Variants in PRELID2 observed in about 807,000 individuals in gnomAD.
PRELID2 encodes PRELI domain-containing protein 2.
A neutral mutation model predicts 28.4 loss-of-function variants in PRELID2; 25 were observed. That is an observed-to-expected ratio of 0.88 (90% CI 0.64 to 1.23). PRELID2 has a LOEUF of 1.23. Among genes scored for constraint, PRELID2 ranks in the 50% most tolerant of loss-of-function variants. The probability of loss-of-function intolerance (pLI) is 0.00; values close to 1 mark genes in which losing one functional copy is unlikely to be tolerated. For missense variants in PRELID2, 201 were observed against 214.4 expected (o/e 0.94, Z 0.39); for synonymous variants, 76 against 71.6 (o/e 1.06, Z -0.31).
intron 1 of PRELID2, among the ~76,000 whole-genome samples, chr5:145,526,588 T>C (rs1353584683): frequency 2.0e-5 from 3 of 152,130 alleles, no homozygotes; most frequent in Non-Finnish European, 4.4e-5. Flanking sequence ...GAAAATTAGA[T>C]GTCTAGATTT....
chr5:145,345,270 AG>A, the PRELID2 span, among the ~76,000 whole-genome samples: 1 of 152,038 alleles, frequency 6.6e-6, no homozygotes, highest in Non-Finnish European at 1.5e-5. Flanking sequence ...GGAATAGGAC[AG>A]CCCCTCTCTT....
intron 1 of PRELID2, among the ~76,000 whole-genome samples, chr5:145,590,413 CTTAT>C (rs1052305999): frequency 2.0e-4 from 30 of 152,114 alleles, no homozygotes; most frequent in Admixed American, 9.2e-4. Flanking sequence ...TATGTGTTTG[CTTAT>C]TTATTTATTT....
At chr5:145,238,820 T>C in the PRELID2 span, among the ~76,000 whole-genome samples, 1 of 152,096 alleles carries the variant, frequency 6.6e-6, no homozygotes, top group Non-Finnish European at 1.5e-5. Context: ...AATGAAAGCC[T>C]ACACAAAACT....
At chr5:145,771,501 A>G (rs1758103257) in intron 5 of PRELID2, among the ~76,000 whole-genome samples, 1 of 151,980 alleles carries the variant, frequency 6.6e-6, no homozygotes, top group African/African-American at 2.4e-5. Context: ...CCCAAAGTCC[A>G]GTCGTAAGTG....
At chr5:145,788,638 A>C (rs988539098) in intron 5 of PRELID2, among the ~76,000 whole-genome samples, 1 of 152,144 alleles carries the variant, frequency 6.6e-6, no homozygotes. Context: ...CTTCTATTCA[A>C]TATAATACTG....
rs115886894 is a variant in PRELID2, at chr5:145,484,130, C to T, written n.71-10815G>A. 4.9e-3 allele frequency among the ~76,000 whole-genome samples: 751 copies of T among 152,256 alleles called. 5 individuals carry two copies. The highest frequency in any genetic ancestry group is 0.016 in the African/African-American group (656 of 41,546). On this transcript the variant is annotated intron_variant and non_coding_transcript_variant, in intron 1 of 2. Coordinates refer to the PRELID2 transcript ENST00000510259. ...AGGCAAGGAATCAGTAGAGCATTCT[C>T]GGAATTCAGAGGCAGGAGAAATTAC...
At chr5:145,284,498 A>G in the PRELID2 span, among the ~76,000 whole-genome samples, 1 of 152,126 alleles carries the variant, frequency 6.6e-6, no homozygotes, top group Non-Finnish European at 1.5e-5. Flanking sequence ...TTACAAACTC[A>G]AGACTTTTTT....
intron 1 of PRELID2, among the ~76,000 whole-genome samples, chr5:145,571,561 G>T (rs187262386): frequency 8.5e-5 from 13 of 152,276 alleles, no homozygotes; most frequent in South Asian, 2.1e-4. Context: ...GTCCTGAAAA[G>T]CTATCTCTTC....
At chr5:145,832,189 T>G (rs1270109683) in intron 1 of PRELID2, among the ~76,000 whole-genome samples, 1 of 151,980 alleles carries the variant, frequency 6.6e-6, no homozygotes, top group Non-Finnish European at 1.5e-5. Flanking sequence ...GGTTTTTTTG[T>G]TTGTTTTTGT....
intron 1 of PRELID2, among the ~76,000 whole-genome samples, chr5:145,742,194 A>G (rs1413061468): frequency 2.5e-5 from 1 of 40,704 alleles, no homozygotes; most frequent in East Asian, 2.1e-3. Flanking sequence ...ATATATAAAT[A>G]ATAATATATA....
chr5:145,624,916 T>C (rs889126923), intron 1 of PRELID2, among the ~76,000 whole-genome samples: 4 of 152,096 alleles, frequency 2.6e-5, no homozygotes, highest in African/African-American at 9.7e-5. Context: ...ATGGAAAAAT[T>C]GTCAAAATAT....
chr5:145,394,127 T>C, the PRELID2 span, among the ~76,000 whole-genome samples: 1 of 152,074 alleles, frequency 6.6e-6, no homozygotes, highest in African/African-American at 2.4e-5. Context: ...AAGACACATG[T>C]ACATGTATGT....
intron 5 of PRELID2, among the ~76,000 whole-genome samples, chr5:145,788,769 A>G (rs574357943): frequency 2.5e-3 from 375 of 152,248 alleles, no homozygotes; most frequent in African/African-American, 8.7e-3. Context: ...ATAAAACCCT[A>G]AAGACTCCAC....
intron 5 of PRELID2, among the ~76,000 whole-genome samples, chr5:145,780,379 T>A (rs1425780730): frequency 6.6e-6 from 1 of 152,160 alleles, no homozygotes; most frequent in Non-Finnish European, 1.5e-5. Context: ...CATTTACTCC[T>A]CACAATACTC....
chr5:145,747,223 A>T (rs1004629776), intron 1 of PRELID2, among the ~76,000 whole-genome samples: 2 of 146,558 alleles, frequency 1.4e-5, no homozygotes, highest in Admixed American at 1.4e-4. Flanking sequence ...AAAACCCTCT[A>T]AAAAAAAAAA....
chr5:145,775,851 A>G (rs572080903), intron 5 of PRELID2, among the ~76,000 whole-genome samples: 15 of 152,334 alleles, frequency 9.8e-5, no homozygotes, highest in African/African-American at 3.1e-4. Flanking sequence ...CAGTAAGTCC[A>G]TGGCAAGTTT....
At chr5:145,329,126 T>G in the PRELID2 span, among the ~76,000 whole-genome samples, 2 of 152,200 alleles carry the variant, frequency 1.3e-5, no homozygotes, top group South Asian at 4.1e-4. Flanking sequence ...TTCTGTTCCA[T>G]TGGTCTATAT....
chr5:145,299,987 C>A, the PRELID2 span, among the ~76,000 whole-genome samples: 1 of 151,832 alleles, frequency 6.6e-6, no homozygotes, highest in Non-Finnish European at 1.5e-5. Flanking sequence ...AAATTTTTGT[C>A]TTTTTTCATT....
At chr5:145,363,282 T>C in the PRELID2 span, among the ~76,000 whole-genome samples, 1 of 152,166 alleles carries the variant, frequency 6.6e-6, no homozygotes, top group East Asian at 1.9e-4. Flanking sequence ...ACTAAACAAC[T>C]CTTAAGGGCC....
Sources: allele counts gnomAD v4.1 joint callset (sites outside exome capture counted in the v4.1 genomes callset), GRCh38; gene constraint gnomAD v4.1.1; transcripts MANE v1.5; gene names NCBI Gene and HGNC (gene_info 2026-07-23, HGNC 2026-07-21).